The following COL14A1 variants were observed in gnomAD, a reference collection of about 807,000 sequenced individuals.
The protein encoded by COL14A1 is collagen type XIV alpha 1 chain.
A neutral mutation model predicts 230.3 loss-of-function variants in COL14A1; 136 were observed. That is an observed-to-expected ratio of 0.59 (90% CI 0.51 to 0.68). The LOEUF is 0.68. Among genes scored for constraint, COL14A1 ranks in the 30% least tolerant of loss-of-function variants. COL14A1 has a pLI of 0.00. For missense variants in COL14A1, 1,976 were observed against 2,215.8 expected, an observed-to-expected ratio of 0.89 and a Z score of 2.17; for synonymous variants, 792 against 784.1, an observed-to-expected ratio of 1.01 and a Z score of -0.17.
At chr8:120,163,909 T>C (rs2130553908) in intron 4 of COL14A1, among the ~76,000 whole-genome samples, 1 of 152,298 alleles carries the variant, frequency 6.6e-6, no homozygotes, top group East Asian at 1.9e-4. Flanking sequence ...TTCTAGGCAC[T>C]TGGGCACATG....
At chr8:120,166,921 TGGTGGTGATGATGGTG>T (rs1563646854) in intron 4 of COL14A1, among the ~76,000 whole-genome samples, 2 of 137,284 alleles carry the variant, frequency 1.5e-5, no homozygotes, top group African/African-American at 5.9e-5. Context: ...TGTGTGTGTG[TGGTGGTGATGATGGTG>T]GTGGTGGGGG....
At chr8:120,237,032 G>A (rs199660665) in intron 19 of COL14A1, among the ~76,000 whole-genome samples, 22 of 152,102 alleles carry the variant, frequency 1.4e-4, no homozygotes, top group Admixed American at 3.9e-4. Flanking sequence ...CCAACCTTTC[G>A]CTCTGGCTGC....
At chr8:120,234,441 C>T (rs1818375574) in intron 19 of COL14A1, among the ~76,000 whole-genome samples, 3 of 152,128 alleles carry the variant, frequency 2.0e-5, no homozygotes, top group Admixed American at 2.0e-4. Context: ...ATGATATTGA[C>T]TGTGGGTTTG....
Position 120,315,983 on chromosome 8 carries a change from T to C in COL14A1, c.4645T>C (p.Ser1549Pro). 1.2e-6 allele frequency: 2 copies of C among 1,614,102 alleles called. No individual in the cohort carries two copies. The highest frequency in any genetic ancestry group is 1.7e-6 in the Non-Finnish European group (2 of 1,179,980). ...CGTTGGTTCACCAGGACGTGATGGC[T>C]CACCAGGCCAGAGGGTAAGGTCTTG... ...GGVGSPGRDG[S>P]PGQRGLPGKD... Residue 1549 changes from serine (S) to proline (P), a missense_variant, in exon 40 of 48, where the codon TCA becomes CCA. Ser to Pro is a moderately conservative substitution (Grantham distance 74). Transcript: ENST00000297848.
At chr8:120,203,495 T>G (rs927374338) in intron 8 of COL14A1, among the ~76,000 whole-genome samples, 4 of 152,172 alleles carry the variant, frequency 2.6e-5, no homozygotes, top group African/African-American at 4.8e-5. Flanking sequence ...AGCTATTGTT[T>G]TGTGTTATAT....
At chr8:120,195,245 T>C (rs1162143652) in intron 5 of COL14A1, among the ~76,000 whole-genome samples, 2 of 151,892 alleles carry the variant, frequency 1.3e-5, no homozygotes, top group Non-Finnish European at 2.9e-5. Context: ...ATAGTTCAAC[T>C]ATTTTTTTTT....
intron 42 of COL14A1, among the ~76,000 whole-genome samples, chr8:120,339,971 G>C (rs1267094842): frequency 6.7e-6 from 1 of 149,954 alleles, no homozygotes; most frequent in Non-Finnish European, 1.5e-5. Flanking sequence ...CCAGGAGCCA[G>C]AGGCTGCAGT....
At chr8:120,220,567 C>G (rs1455289909) in intron 14 of COL14A1, among the ~76,000 whole-genome samples, 1 of 152,116 alleles carries the variant, frequency 6.6e-6, no homozygotes, top group African/African-American at 2.4e-5. Flanking sequence ...CCACCGCGCC[C>G]AGCCCATGCA....
intron 9 of COL14A1, among the ~76,000 whole-genome samples, 200 bp from the exon 10 acceptor site, chr8:120,206,743 C>T (rs946897044): frequency 1.3e-5 from 2 of 152,246 alleles, no homozygotes; most frequent in South Asian, 4.2e-4. Context: ...TTGGTATCCT[C>T]GGAACTTAGC....
intron 40 of COL14A1, among the ~76,000 whole-genome samples, chr8:120,318,152 G>A (rs1821301199): frequency 6.6e-6 from 1 of 152,196 alleles, no homozygotes. Flanking sequence ...CTTGCTTGAG[G>A]GAAGGACCAC....
intron 37 of COL14A1, 129 bp downstream of exon 37, chr8:120,310,191 T>G: frequency 1.2e-6 from 1 of 864,442 alleles, no homozygotes; most frequent in African/African-American, 1.7e-5. Context: ...TTTATGAAAG[T>G]TGTGCCTAAC....
At chr8:120,140,076 A>G (rs1282911366) in intron 1 of COL14A1, among the ~76,000 whole-genome samples, 1 of 152,178 alleles carries the variant, frequency 6.6e-6, no homozygotes, top group Non-Finnish European at 1.5e-5. Flanking sequence ...ATTAAAAAAT[A>G]AAAGATAGAT....
At chr8:120,278,069 A>G (rs770134314) in intron 26 of COL14A1, 42 bp from the exon 27 acceptor site, 4 of 1,522,436 alleles carry the variant, frequency 2.6e-6, no homozygotes, top group Non-Finnish European at 3.5e-6. Context: ...ACCCAGTGGA[A>G]GTCTACATAT....
chr8:120,316,112 T>C (rs1231785459), intron 40 of COL14A1, 115 bp downstream of exon 40: 1 of 944,412 alleles, frequency 1.1e-6, no homozygotes, highest in Non-Finnish European at 1.7e-6. Context: ...CTTTTTGTTT[T>C]CTCCTGTTTA....
chr8:120,234,113 C>T (rs1047111088), intron 19 of COL14A1, among the ~76,000 whole-genome samples: 3 of 151,430 alleles, frequency 2.0e-5, no homozygotes, highest in Middle Eastern at 3.2e-3. Flanking sequence ...ATTTGGCTCT[C>T]TGTCTATTAT....
intron 34 of COL14A1, among the ~76,000 whole-genome samples, chr8:120,290,151 A>G (rs886880201): frequency 6.6e-6 from 1 of 152,218 alleles, no homozygotes; most frequent in Non-Finnish European, 1.5e-5. Flanking sequence ...ATAAGCAAAT[A>G]CAAATCCACA....
At chr8:120,309,025 C>T (rs537799245) in intron 36 of COL14A1, among the ~76,000 whole-genome samples, 2 of 152,302 alleles carry the variant, frequency 1.3e-5, no homozygotes, top group East Asian at 1.9e-4. Flanking sequence ...AGGTCCGCCT[C>T]CCAGGTTCAC....
Position 120,154,194 on chromosome 8 carries a change from G to A in COL14A1, c.89-3936G>A, listed in dbSNP as rs191526705. ...AGATTGTCACTTGACAAAACCGTAAGCGTTCAAATTCAGATGAGAAGAAAG... is the reference window on the plus strand; with the variant it reads ...AGATTGTCACTTGACAAAACCGTAAACGTTCAAATTCAGATGAGAAGAAAG... On this transcript the variant is annotated intron_variant, in intron 2 of 47. Transcript: ENST00000297848. 6.9e-4 allele frequency among the ~76,000 whole-genome samples: 105 copies of A among 152,242 alleles called. No homozygotes were observed. The Middle Eastern group carries it at 0.017, about 25-fold the overall frequency.
At chr8:120,212,410 G>A in intron 12 of COL14A1, 38 bp from the exon 13 acceptor site, 1 of 1,607,322 alleles carries the variant, frequency 6.2e-7, no homozygotes, top group South Asian at 1.1e-5. Flanking sequence ...TGAATAATAT[G>A]TATTGGCAAA....
Sources: allele counts gnomAD v4.1 joint callset (sites outside exome capture counted in the v4.1 genomes callset), GRCh38; gene constraint gnomAD v4.1.1; transcripts MANE v1.5; gene names NCBI Gene and HGNC (gene_info 2026-07-23, HGNC 2026-07-21).